Variants in IQCM observed in about 807,000 individuals in gnomAD.
IQCM encodes the protein IQ domain-containing protein M.
In IQCM, 45 loss-of-function variants were observed where a neutral mutation model predicts 57.6. That is an observed-to-expected ratio of 0.78 (90% CI 0.62 to 1.00). The LOEUF (loss-of-function observed/expected upper bound fraction) is 1.00. IQCM is among the 50% of genes least tolerant of loss of function. IQCM has a pLI of 0.00. For synonymous variants in IQCM, 148 were observed against 158.9 expected (o/e 0.93, Z 0.51); for missense variants, 468 against 511.6 (o/e 0.91, Z 0.82).
chr4:149,397,821 A>T (rs1245903195), intron 13 of IQCM, among the ~76,000 whole-genome samples: 1 of 151,814 alleles, frequency 6.6e-6, no homozygotes, highest in African/African-American at 2.4e-5. Flanking sequence ...CATTTCAGAG[A>T]TTAACCCCTT....
Position 149,561,688 on chromosome 4 carries a change from A to G in IQCM, c.948+2004T>C, listed in dbSNP as rs867448130. ...GATAAACAAGAAAAAATAGTAGACC[A>G]TACATGCATACAGTTAAAGTGATGG... On this transcript the variant is annotated intron_variant, in intron 10 of 13. Transcript: ENST00000636793. Among the ~76,000 whole-genome samples the G allele has an allele frequency of 6.1e-4, 93 of 152,298 alleles. 1 individual carries two copies. The highest frequency in any genetic ancestry group is 3.1e-3 in the Admixed American group (48 of 15,286).
chr4:149,454,957 C>T (rs185539804), intron 12 of IQCM, among the ~76,000 whole-genome samples: 3 of 152,016 alleles, frequency 2.0e-5, no homozygotes, highest in Admixed American at 6.6e-5. Context: ...GATGGTTGCA[C>T]GACTCTGTGA....
At chr4:149,699,009 A>T (rs1409167339) in intron 5 of IQCM, among the ~76,000 whole-genome samples, 1 of 152,140 alleles carries the variant, frequency 6.6e-6, no homozygotes, top group Admixed American at 6.6e-5. Context: ...GTTGATGATT[A>T]TAAAGATATG....
intron 13 of IQCM, among the ~76,000 whole-genome samples, chr4:149,380,923 T>C (rs1036983368): frequency 1.3e-5 from 2 of 152,204 alleles, no homozygotes; most frequent in African/African-American, 4.8e-5. Flanking sequence ...AAAAAGTTTC[T>C]TTAATATCCA....
intron 12 of IQCM, among the ~76,000 whole-genome samples, chr4:149,519,266 T>C (rs1745333243): frequency 6.8e-6 from 1 of 147,162 alleles, no homozygotes; most frequent in Non-Finnish European, 1.5e-5. Context: ...AAAATTATTG[T>C]AATTTTTTTG....
chr4:149,713,103 G>A (rs1314481091), intron 5 of IQCM, among the ~76,000 whole-genome samples: 1 of 152,062 alleles, frequency 6.6e-6, no homozygotes, highest in African/African-American at 2.4e-5. Context: ...AAACATAGAG[G>A]CTACTTGAAA....
At chr4:149,765,901 A>T (rs1356075769) in intron 2 of IQCM, among the ~76,000 whole-genome samples, 1 of 151,926 alleles carries the variant, frequency 6.6e-6, no homozygotes, top group Non-Finnish European at 1.5e-5. Flanking sequence ...CTACCCAGAA[A>T]CTGACTCGCA....
chr4:149,393,919 T>C (rs1042953985), intron 13 of IQCM, among the ~76,000 whole-genome samples: 3 of 151,706 alleles, frequency 2.0e-5, no homozygotes, highest in African/African-American at 7.3e-5. Context: ...GCAAAGAAAA[T>C]GGAAACAACA....
chr4:149,585,969 G>A (rs924223688), intron 9 of IQCM, among the ~76,000 whole-genome samples: 2 of 151,652 alleles, frequency 1.3e-5, no homozygotes, highest in Admixed American at 1.3e-4. Context: ...ACAGAAAAAT[G>A]TTTAGAGTCC....
At chr4:149,403,824 G>C (rs1228838481) in intron 13 of IQCM, among the ~76,000 whole-genome samples, 1 of 151,904 alleles carries the variant, frequency 6.6e-6, no homozygotes, top group Admixed American at 6.6e-5. Context: ...TTAGGTAGTT[G>C]ATGTCACAGA....
chr4:149,574,459 A>T (rs1345038098), intron 9 of IQCM, among the ~76,000 whole-genome samples: 5 of 151,990 alleles, frequency 3.3e-5, no homozygotes, highest in Non-Finnish European at 7.4e-5. Context: ...TCTAAGAATG[A>T]GAGAAAGAAC....
intron 5 of IQCM, among the ~76,000 whole-genome samples, chr4:149,699,518 C>T (rs1182939872): frequency 1.3e-5 from 2 of 151,752 alleles, no homozygotes; most frequent in African/African-American, 4.8e-5. Context: ...GGCTCTAGTC[C>T]ATCTGATGGA....
At chr4:149,750,440 T>C (rs1768323412) in intron 2 of IQCM, among the ~76,000 whole-genome samples, 1 of 152,202 alleles carries the variant, frequency 6.6e-6, no homozygotes, top group Non-Finnish European at 1.5e-5. Flanking sequence ...TCTGGGGGAT[T>C]TCAGTTAGAA....
intron 7 of IQCM, among the ~76,000 whole-genome samples, chr4:149,630,476 G>A (rs1757169875): frequency 1.3e-5 from 2 of 152,168 alleles, no homozygotes; most frequent in South Asian, 2.1e-4. Flanking sequence ...AGTGGACACC[G>A]AGTGATAATT....
intron 9 of IQCM, among the ~76,000 whole-genome samples, chr4:149,582,394 T>C (rs1057237410): frequency 1.8e-5 from 2 of 111,986 alleles, no homozygotes; most frequent in African/African-American, 3.1e-5. Context: ...CTGAGGGGCT[T>C]AATCAGAAAA....
chr4:149,668,053 T>A (rs967139494), intron 7 of IQCM, among the ~76,000 whole-genome samples: 1 of 151,978 alleles, frequency 6.6e-6, no homozygotes, highest in Non-Finnish European at 1.5e-5. Flanking sequence ...CAGGCCAACA[T>A]TCAAAATCAG....
intron 5 of IQCM, among the ~76,000 whole-genome samples, chr4:149,696,527 C>T (rs1021100924): frequency 1.3e-5 from 2 of 152,110 alleles, no homozygotes; most frequent in Admixed American, 1.3e-4. Context: ...ACCAAAGACA[C>T]CAAAACTTTA....
At chr4:149,597,701 T>TA (rs1376340692) in intron 8 of IQCM, among the ~76,000 whole-genome samples, 8 of 152,172 alleles carry the variant, frequency 5.3e-5, no homozygotes, top group African/African-American at 1.7e-4. Flanking sequence ...TAGAGATTCA[T>TA]AAAATTTTAA....
chr4:149,499,335 C>T (rs1282825046), intron 12 of IQCM, among the ~76,000 whole-genome samples: 1 of 152,040 alleles, frequency 6.6e-6, no homozygotes, highest in Non-Finnish European at 1.5e-5. Flanking sequence ...ATAAAAAATA[C>T]AATCACCACA....
Sources: allele counts gnomAD v4.1 joint callset (sites outside exome capture counted in the v4.1 genomes callset), GRCh38; gene constraint gnomAD v4.1.1; transcripts MANE v1.5; gene names NCBI Gene and HGNC (gene_info 2026-07-23, HGNC 2026-07-21).